Variants in AFAP1 observed in about 807,000 individuals in gnomAD.
AFAP1 encodes the protein actin filament associated protein 1.
In AFAP1, 75 loss-of-function variants were observed where a neutral mutation model predicts 93.9. The observed-to-expected ratio is 0.80, with a 90% confidence interval of 0.66 to 0.97. The LOEUF (loss-of-function observed/expected upper bound fraction) is 0.97. Among genes scored for constraint, AFAP1 ranks in the 50% least tolerant of loss-of-function variants. AFAP1 has a pLI of 0.00. For missense variants in AFAP1, 1,201 were observed against 1,050.8 expected, an observed-to-expected ratio of 1.14 and a Z score of -1.98; for synonymous variants, 517 against 430.7, an observed-to-expected ratio of 1.20 and a Z score of -2.48.
rs116001431 is a variant in AFAP1 at position 7,779,932 on chromosome 4, T to C, written c.1783-1056A>G. ...TTTAACTTGCAAAAATGTTTCCTATTTCAACAAAAACAAAACAAAAGGGGA... is the reference window on the plus strand; with the variant it reads ...TTTAACTTGCAAAAATGTTTCCTATCTCAACAAAAACAAAACAAAAGGGGA... On this transcript the variant is annotated intron_variant, in intron 13 of 17. Transcript: ENST00000420658. Among the ~76,000 whole-genome samples, 377 of 152,226 alleles carry C rather than the reference T, an allele frequency of 2.5e-3. 1 individual carries two copies. The highest frequency in any genetic ancestry group is 8.0e-3 in the African/African-American group (332 of 41,554).
chr4:7,799,494 C>G (rs551698097), intron 10 of AFAP1, among the ~76,000 whole-genome samples: 8 of 152,308 alleles, frequency 5.3e-5, no homozygotes, highest in Admixed American at 1.3e-4. Flanking sequence ...GCATGTAGAG[C>G]CGGCTCCCAC....
chr4:7,872,053 C>T lies in AFAP1; in HGVS notation c.26G>A (p.Arg9His), dbSNP rs143249636. 49 of 1,613,740 alleles carry T rather than the reference C, an allele frequency of 3.0e-5. 1 individual carries two copies. The South Asian group carries it at 3.1e-4, about 10-fold the overall frequency. The change falls in exon 2 of 18, where the codon CGT becomes CAT. Residue 9 changes from arginine (R) to histidine (H), a missense_variant. Arg to His is a conservative substitution (Grantham distance 29). Coordinates refer to ENST00000420658, the MANE Select transcript of AFAP1 (RefSeq NM_001134647.2). MEELIVEL[R>H]LFLELLDHEY... ...ATGGTCCAGGAGTTCAAGAAAGAGACGAAGTTCAACTATTAACTCTTCCAT... is the reference window on the plus strand; with the variant it reads ...ATGGTCCAGGAGTTCAAGAAAGAGATGAAGTTCAACTATTAACTCTTCCAT...
intron 1 of AFAP1, among the ~76,000 whole-genome samples, chr4:7,911,378 G>A (rs1203858383): frequency 2.6e-5 from 4 of 152,190 alleles, no homozygotes; most frequent in South Asian, 2.1e-4. Flanking sequence ...CCCGGGCCTC[G>A]CCCATGTTGC....
chr4:7,923,267 T>G (rs1025997442), intron 1 of AFAP1, among the ~76,000 whole-genome samples: 1 of 152,212 alleles, frequency 6.6e-6, no homozygotes, highest in Admixed American at 6.5e-5. Flanking sequence ...GAACCATCTC[T>G]GTATCAGTCA....
intron 10 of AFAP1, among the ~76,000 whole-genome samples, chr4:7,796,680 G>A (rs1180013072): frequency 6.7e-6 from 1 of 150,182 alleles, no homozygotes; most frequent in Non-Finnish European, 1.5e-5. Flanking sequence ...GAACCCGGGA[G>A]ACGGAGCTTG....
rs577547268 is a variant in AFAP1 at position 7,887,830 on chromosome 4, A to G, written c.-2-15750T>C. ...TATTTGTTTTTATTTCATAAAGAAC[A>G]ATTTTTTTTTTTTTGAGATGGAGTC... On this transcript the variant is annotated intron_variant, in intron 1 of 17. Coordinates refer to ENST00000420658, the MANE Select transcript of AFAP1 (RefSeq NM_001134647.2). Among the ~76,000 whole-genome samples the G allele has an allele frequency of 4.1e-4, 47 of 114,218 alleles. No homozygotes were observed. The South Asian group carries it at 0.011, about 26-fold the overall frequency. 74.9% of individuals were successfully genotyped at this position (114,218 alleles called of 152,430 possible). A position where few individuals can be genotyped will look rare whatever the true frequency, so the allele number is the denominator to read the frequency against.
chr4:7,919,695 TA>T (rs1382791355), intron 1 of AFAP1, among the ~76,000 whole-genome samples: 1 of 152,076 alleles, frequency 6.6e-6, no homozygotes, highest in Non-Finnish European at 1.5e-5. Context: ...GTTACATAGG[TA>T]AATGTGTGCC....
At chr4:7,797,165 G>A (rs930685919) in intron 10 of AFAP1, among the ~76,000 whole-genome samples, 15 of 152,240 alleles carry the variant, frequency 9.9e-5, no homozygotes, top group Admixed American at 9.2e-4. Flanking sequence ...TCTCGCAGTC[G>A]ATGCTAGCTA....
intron 6 of AFAP1, among the ~76,000 whole-genome samples, chr4:7,821,763 C>T (rs1050889056): frequency 3.3e-5 from 5 of 152,216 alleles, no homozygotes; most frequent in Admixed American, 2.0e-4. Flanking sequence ...GATCCAAATT[C>T]CCTCAGCTTG....
chr4:7,759,558 G>A lies in AFAP1; in HGVS notation c.*4207C>T, dbSNP rs959715207. 7.9e-5 allele frequency: 12 copies of A among 152,660 alleles called. No homozygotes were observed. The highest frequency in any genetic ancestry group is 1.5e-5 in the Non-Finnish European group (1 of 68,054). The allele number at this position is 152,660 out of a possible 1,614,324, so 9.5% of individuals were successfully genotyped here. A position where few individuals can be genotyped will look rare whatever the true frequency, so the allele number is the denominator to read the frequency against. On this transcript the variant is annotated 3_prime_UTR_variant, in exon 18 of 18. Coordinates refer to ENST00000420658, the MANE Select transcript of AFAP1 (RefSeq NM_001134647.2). ...AGCCCACCAAGGGGATAAGAAGACA[G>A]TGACAACCAGGAAAAAATGAATTAT... is the stretch of plus-strand genomic sequence containing the variant.
intron 6 of AFAP1, among the ~76,000 whole-genome samples, chr4:7,821,273 G>A (rs1577252342): frequency 6.6e-6 from 1 of 152,292 alleles, no homozygotes. Flanking sequence ...AGTGAGATCC[G>A]CTATGGAAGA....
In AFAP1 at chr4:7,873,373, C is replaced by T. The variant is rs1170280378; in HGVS notation, c.-2-1293G>A. Among the ~76,000 whole-genome samples the T allele has an allele frequency of 8.0e-3, 421 of 52,870 alleles. 8 individuals carry two copies. The highest frequency in any genetic ancestry group is 0.032 in the African/African-American group (395 of 12,256). The allele number at this position is 52,870 out of a possible 152,430, so 34.7% of individuals were successfully genotyped here. On this transcript the variant is annotated intron_variant, in intron 1 of 17. Coordinates refer to ENST00000420658, the MANE Select transcript of AFAP1 (RefSeq NM_001134647.2). ...TTTTTTTTTTTTTTTTTTTTTGAGA[C>T]GGAGTCTCACTGTCGCCCAGGCTGG...
intron 1 of AFAP1, among the ~76,000 whole-genome samples, chr4:7,927,553 G>A (rs542050805): frequency 5.7e-4 from 87 of 152,272 alleles, no homozygotes; most frequent in African/African-American, 2.0e-3. Flanking sequence ...GGCCAGGCGC[G>A]GTGGCTCACG....
At chr4:7,811,188 G>C (rs190253280) in intron 8 of AFAP1, among the ~76,000 whole-genome samples, 102 of 152,314 alleles carry the variant, frequency 6.7e-4, no homozygotes, top group African/African-American at 2.3e-3. Flanking sequence ...GAGATTCTCA[G>C]TGTCGTGGGC....
chr4:7,765,670 C>T (rs575897470), intron 17 of AFAP1, among the ~76,000 whole-genome samples: 15 of 152,336 alleles, frequency 9.8e-5, no homozygotes, highest in East Asian at 7.7e-4. Context: ...GTCAGAGCAG[C>T]GGCAGACACC....
At position 7,793,697 on chromosome 4, in the gene AFAP1, C is replaced by G. The variant is rs770356493; in HGVS notation, c.1396G>C (p.Ala466Pro). The G allele has an allele frequency of 2.6e-6, 4 of 1,550,226 alleles. No homozygotes were observed. In the South Asian group the frequency reaches 4.8e-5, roughly 19 times the overall value. ...GGGTCTTACCAGAAGGTCTGTTTGG[C>G]TGTCTGAATGACACTTGCAGACATC... ...VEMSASVIQT[A>P]KQTFCFMNRR... is the part of the protein sequence containing the mutation. Residue 466 changes from alanine to proline, a missense_variant, in exon 11 of 18, where the codon GCC becomes CCC. Ala to Pro is a conservative substitution (Grantham distance 27). Transcript: ENST00000420658.
chr4:7,907,564 T>C (rs1222753758), intron 1 of AFAP1, among the ~76,000 whole-genome samples: 1 of 152,174 alleles, frequency 6.6e-6, no homozygotes, highest in African/African-American at 2.4e-5. Flanking sequence ...CCAGAACTCC[T>C]GCAACAACCC....
At chr4:7,924,346 A>C (rs60875799) in intron 1 of AFAP1, among the ~76,000 whole-genome samples, 17,621 of 152,254 alleles carry the variant, frequency 0.12, 1,147 homozygotes, top group East Asian at 0.25. Flanking sequence ...TAACACTAAC[A>C]AACAATGAGA....
intron 8 of AFAP1, among the ~76,000 whole-genome samples, chr4:7,812,907 G>A (rs1252112796): frequency 2.0e-5 from 3 of 152,152 alleles, no homozygotes; most frequent in Non-Finnish European, 2.9e-5. Flanking sequence ...ACATCTTACA[G>A]ATGTGAAGTG....
Sources: gnomAD v4.1 joint callset for allele counts (sites outside exome capture counted in the v4.1 genomes callset) on GRCh38, gnomAD v4.1.1 for gene constraint, MANE v1.5 for transcripts, NCBI Gene and HGNC (gene_info 2026-07-23, HGNC 2026-07-21) for gene names.